The following THSD4 variants were observed in gnomAD, a reference collection of about 807,000 sequenced individuals.
THSD4 encodes thrombospondin type 1 domain containing 4, also known as thrombospondin type-1 domain-containing protein 4.
THSD4 carries 69 observed loss-of-function variants against 119.0 expected under a neutral mutation model. The observed-to-expected ratio is 0.58, with a 90% confidence interval of 0.48 to 0.71. THSD4 has a LOEUF of 0.71. Ranked by LOEUF, THSD4 falls within the 30% of genes least tolerant of loss-of-function variation. The pLI, the probability that THSD4 is intolerant of heterozygous loss-of-function variation, is 0.00. For missense variants in THSD4, 1,393 were observed against 1,391.1 expected (o/e 1.00, Z -0.02); for synonymous variants, 524 against 540.4 (o/e 0.97, Z 0.42).
intron 7 of THSD4, among the ~76,000 whole-genome samples, chr15:71,575,518 C>G (rs760942824): frequency 2.6e-5 from 4 of 151,952 alleles, no homozygotes; most frequent in Admixed American, 6.6e-5. Context: ...CTTCATATAC[C>G]CAGAAATGCA....
intron 5 of THSD4, among the ~76,000 whole-genome samples, chr15:71,249,427 TACAC>T (rs534944591): frequency 1.3e-5 from 2 of 148,640 alleles, no homozygotes; most frequent in East Asian, 3.9e-4. Context: ...TATATATATA[TACAC>T]ACACATTTAT....
chr15:71,225,274 G>T (rs1419732157), intron 4 of THSD4, among the ~76,000 whole-genome samples: 1 of 151,974 alleles, frequency 6.6e-6, no homozygotes, highest in Non-Finnish European at 1.5e-5. Flanking sequence ...AGAATAAAGA[G>T]CTTTGTATCC....
At chr15:71,405,130 C>G (rs879768891) in intron 6 of THSD4, among the ~76,000 whole-genome samples, 5 of 152,144 alleles carry the variant, frequency 3.3e-5, no homozygotes, top group Non-Finnish European at 7.3e-5. Context: ...CTCAAGCAAT[C>G]CACCCACCTT....
At chr15:71,588,115 G>A in intron 7 of THSD4, among the ~76,000 whole-genome samples, 1 of 151,798 alleles carries the variant, frequency 6.6e-6, no homozygotes. Context: ...GACCATCCTG[G>A]CTAACATGGT....
intron 2 of THSD4, among the ~76,000 whole-genome samples, chr15:71,150,625 A>G (rs1333695693): frequency 6.6e-6 from 1 of 152,262 alleles, no homozygotes; most frequent in Non-Finnish European, 1.5e-5. Context: ...GAAGCATTTG[A>G]ACATCTAAAT....
chr15:71,466,709 C>T (rs921469356), intron 7 of THSD4, among the ~76,000 whole-genome samples: 3 of 152,166 alleles, frequency 2.0e-5, no homozygotes, highest in Admixed American at 6.5e-5. Context: ...TTCTCTCATC[C>T]GATTTCTGAA....
At chr15:71,543,509 G>C (rs1171193995) in intron 7 of THSD4, among the ~76,000 whole-genome samples, 3 of 152,172 alleles carry the variant, frequency 2.0e-5, no homozygotes, top group Admixed American at 2.0e-4. Flanking sequence ...GAAAAAGCGA[G>C]GGAGTGGGAA....
chr15:71,471,947 C>T (rs1302878040), intron 7 of THSD4, among the ~76,000 whole-genome samples: 2 of 147,392 alleles, frequency 1.4e-5, no homozygotes, highest in Admixed American at 1.3e-4. Flanking sequence ...GAGGATCTTG[C>T]TCTGTCACCC....
At chr15:71,439,684 T>TA (rs1394935294) in intron 7 of THSD4, among the ~76,000 whole-genome samples, 1 of 152,108 alleles carries the variant, frequency 6.6e-6, no homozygotes, top group Admixed American at 6.5e-5. Context: ...TATGCAGCTG[T>TA]AAAAAAGAAT....
chr15:71,127,269 GT>G (rs1047107933), intron 1 of THSD4, among the ~76,000 whole-genome samples: 3 of 152,136 alleles, frequency 2.0e-5, no homozygotes, highest in African/African-American at 4.8e-5. Context: ...CCTTTTTAAG[GT>G]TGAATAATGT....
At chr15:71,119,748 A>C (rs1358311885) in intron 1 of THSD4, among the ~76,000 whole-genome samples, 5 of 152,242 alleles carry the variant, frequency 3.3e-5, no homozygotes, top group Admixed American at 2.0e-4. Flanking sequence ...AGGGCTGGAC[A>C]GGCAAAGCCA....
At chr15:71,360,230 T>A (rs7165864) in intron 6 of THSD4, among the ~76,000 whole-genome samples, 6 of 151,974 alleles carry the variant, frequency 3.9e-5, no homozygotes, top group African/African-American at 1.5e-4. Flanking sequence ...GGTCTTAGAG[T>A]AGTCAAATTT....
intron 1 of THSD4, among the ~76,000 whole-genome samples, chr15:71,105,763 C>T (rs780447279): frequency 4.6e-5 from 7 of 152,196 alleles, no homozygotes; most frequent in Non-Finnish European, 7.3e-5. Context: ...CACCCAAAGA[C>T]GAATTCTCAA....
At chr15:71,145,626 C>G (rs2040650819) in intron 2 of THSD4, among the ~76,000 whole-genome samples, 1 of 152,058 alleles carries the variant, frequency 6.6e-6, no homozygotes, top group African/African-American at 2.4e-5. Context: ...ATCCTGAATA[C>G]AGAAAGGAAG....
intron 7 of THSD4, among the ~76,000 whole-genome samples, chr15:71,474,676 G>A (rs1284830889): frequency 6.6e-6 from 1 of 152,156 alleles, no homozygotes; most frequent in Non-Finnish European, 1.5e-5. Context: ...TATGTGAATT[G>A]CATCATCAAA....
At chr15:71,359,927 C>T (rs2045869832) in intron 6 of THSD4, among the ~76,000 whole-genome samples, 1 of 152,212 alleles carries the variant, frequency 6.6e-6, no homozygotes, top group Non-Finnish European at 1.5e-5. Flanking sequence ...CTTGTGTCTG[C>T]TGCTTCCTCT....
intron 14 of THSD4, 41 bp from the exon 15 acceptor site, chr15:71,757,861 C>G: frequency 6.2e-7 from 1 of 1,607,764 alleles, no homozygotes; most frequent in South Asian, 1.1e-5. Context: ...TCAGCAGCTG[C>G]CAGGGCCTCC....
At chr15:71,217,874 C>G (rs764930171) in intron 4 of THSD4, among the ~76,000 whole-genome samples, 129 of 149,836 alleles carry the variant, frequency 8.6e-4, no homozygotes, top group Non-Finnish European at 1.4e-3. Context: ...GCAACCTCCA[C>G]CTCCTGGGTT....
chr15:71,383,183 T>C (rs544649010), intron 6 of THSD4, among the ~76,000 whole-genome samples: 42 of 152,362 alleles, frequency 2.8e-4, no homozygotes, highest in African/African-American at 9.9e-4. Flanking sequence ...AAACTGGTTT[T>C]GGACCCTGTA....
Sources: allele counts gnomAD v4.1 joint callset (sites outside exome capture counted in the v4.1 genomes callset), GRCh38; gene constraint gnomAD v4.1.1; transcripts MANE v1.5; gene names NCBI Gene and HGNC (gene_info 2026-07-23, HGNC 2026-07-21).